Variants in CDIN1 observed in about 807,000 individuals in gnomAD.
CDIN1 encodes the protein CDAN1-interacting nuclease 1.
A neutral mutation model predicts 45.3 loss-of-function variants in CDIN1; 33 were observed. The observed-to-expected ratio is 0.73, with a 90% CI of 0.55 to 0.97. The LOEUF is 0.97. Among genes scored for constraint, CDIN1 ranks in the 50% least tolerant of loss-of-function variants. CDIN1 has a pLI of 0.00. For missense variants in CDIN1, 303 were observed against 339.4 expected, an observed-to-expected ratio of 0.89 and a Z score of 0.84; for synonymous variants, 118 against 124.4, an observed-to-expected ratio of 0.95 and a Z score of 0.34.
At chr15:36,798,606 A>G (rs557049606) in intron 10 of CDIN1, 40 of 152,292 alleles carry the variant, frequency 2.6e-4, no homozygotes, top group African/African-American at 9.4e-4. Flanking sequence ...TGAAATTCCA[A>G]TAATTTTTTA....
intron 1 of CDIN1, chr15:36,627,486 G>T (rs911018809): frequency 6.4e-6 from 1 of 156,820 alleles, no homozygotes; most frequent in South Asian, 1.8e-4. Context: ...AGTTTCTTGT[G>T]GCCAGACTTG....
rs2042660342 is a variant in CDIN1, at chr15:36,701,925, A to G, written c.544+4535A>G. 9 of 606,146 alleles carry G rather than the reference A, an allele frequency of 1.5e-5. No individual in the cohort carries two copies. The South Asian group carries it at 1.6e-4, about 11-fold the overall frequency. The allele number at this position is 606,146 out of a possible 1,614,324, so 37.5% of individuals were successfully genotyped here. On this transcript the variant is annotated intron_variant, in intron 8 of 10. Transcript: ENST00000566621. ...TTAGGATCTTTGTTTCTAAGAGTTC[A>G]TCTGCCCCTGCTGCTTTATTCCTCA...
At position 36,711,481 on chromosome 15, in the gene CDIN1, T is replaced by G. The variant is rs910508720; in HGVS notation, c.716+1520T>G. ...TTTAGAGGCTGATTAAATAATCTAG[T>G]CACCTAGATGATAGATTTAGGGATT... On this transcript the variant is annotated intron_variant, in intron 10 of 10. Coordinates refer to ENST00000566621, the MANE Select transcript of CDIN1 (RefSeq NM_001321759.2). Among the ~76,000 whole-genome samples, 4 of 152,320 alleles carry G rather than the reference T, an allele frequency of 2.6e-5. No homozygotes were observed. The South Asian group carries it at 8.3e-4, about 32-fold the overall frequency.
chr15:36,648,108 G>A (rs1338695092), intron 3 of CDIN1, among the ~76,000 whole-genome samples: 2 of 152,040 alleles, frequency 1.3e-5, no homozygotes, highest in African/African-American at 2.4e-5. Flanking sequence ...CAAAGTGCTG[G>A]GATTACAGGC....
intron 1 of CDIN1, among the ~76,000 whole-genome samples, chr15:36,634,373 T>C (rs1483883840): frequency 6.6e-6 from 1 of 152,060 alleles, no homozygotes; most frequent in African/African-American, 2.4e-5. Context: ...GCAGTGAGCC[T>C]TGATCGCGCC....
chr15:36,653,972 C>T, intron 3 of CDIN1, 126 bp from the exon 4 acceptor site: 2 of 650,492 alleles, frequency 3.1e-6, no homozygotes, highest in Non-Finnish European at 5.3e-6. Context: ...ATGAAAGTAG[C>T]TTACTTTAAC....
At chr15:36,580,045 T>A in intron 1 of CDIN1, 84 bp downstream of exon 1, 2 of 1,192,932 alleles carry the variant, frequency 1.7e-6, no homozygotes, top group Non-Finnish European at 2.4e-6. Flanking sequence ...AGGAACCACG[T>A]GTCACACATG....
rs1048874673 is a variant in CDIN1, at chr15:36,776,963, C to T, written c.717-31361C>T. 2.6e-5 allele frequency among the ~76,000 whole-genome samples: 4 copies of T among 152,146 alleles called. No homozygotes were observed. In the South Asian group the frequency reaches 8.3e-4, roughly 31 times the overall value. ...CATAAACTTTGAATTTCAAAAACTG[C>T]TGCATGAAGCGCTGTTTTCATCTTT... On this transcript the variant is annotated intron_variant, in intron 10 of 10. Transcript: ENST00000566621.
intron 1 of CDIN1, chr15:36,618,349 A>G: frequency 1.5e-6 from 1 of 681,360 alleles, no homozygotes; most frequent in Non-Finnish European, 2.7e-6. Flanking sequence ...GGGGATTAGG[A>G]GCAAACTTAA....
chr15:36,790,269 C>G (rs2054611531), intron 10 of CDIN1: 1 of 152,238 alleles, frequency 6.6e-6, no homozygotes, highest in Admixed American at 6.5e-5. Flanking sequence ...TGCCAGCAAT[C>G]TTTCCCAGCT....
chr15:36,644,244 G>C, intron 1 of CDIN1, 34 bp from the exon 2 acceptor site: 6 of 1,609,208 alleles, frequency 3.7e-6, no homozygotes, highest in Non-Finnish European at 5.1e-6. Flanking sequence ...GTGCACTCCA[G>C]TAATTAACTT....
At chr15:36,796,424 C>T (rs2141106100) in intron 10 of CDIN1, among the ~76,000 whole-genome samples, 1 of 152,282 alleles carries the variant, frequency 6.6e-6, no homozygotes, top group Admixed American at 6.5e-5. Context: ...TCTCGTTGTG[C>T]TTAGGAGGGA....
intron 1 of CDIN1, among the ~76,000 whole-genome samples, chr15:36,619,885 T>G: frequency 6.6e-6 from 1 of 152,124 alleles, no homozygotes. Context: ...AGTAAATGAT[T>G]TGAAAACTGA....
At chr15:36,784,290 G>C (rs1275670502) in intron 10 of CDIN1, among the ~76,000 whole-genome samples, 1 of 152,178 alleles carries the variant, frequency 6.6e-6, no homozygotes, top group Admixed American at 6.5e-5. Flanking sequence ...TAAAGAGTAG[G>C]GAGGAAGTGG....
At position 36,621,019 on chromosome 15, in the gene CDIN1, A is replaced by C. The variant is rs16963707; in HGVS notation, c.102-23259A>C. On this transcript the variant is annotated intron_variant, in intron 1 of 10. Coordinates refer to ENST00000566621, the MANE Select transcript of CDIN1 (RefSeq NM_001321759.2). ...TCTCATATACTAAATACACAAGTTT[A>C]CATGCTGTTATTTAGAAAATGGCTA... Among the ~76,000 whole-genome samples the C allele has an allele frequency of 1.9e-3, 296 of 152,346 alleles. 6 individuals carry two copies. Among genetic ancestry groups the C allele is most frequent in the East Asian group, 9.8e-3 (51 of 5,186 alleles).
chr15:36,599,071 C>A (rs1206873964), intron 1 of CDIN1, among the ~76,000 whole-genome samples: 1 of 147,590 alleles, frequency 6.8e-6, no homozygotes, highest in Non-Finnish European at 1.5e-5. Flanking sequence ...TTTTTATGAT[C>A]TCTTTTGAGG....
At chr15:36,628,364 T>G (rs1021220767) in intron 1 of CDIN1, among the ~76,000 whole-genome samples, 2 of 152,222 alleles carry the variant, frequency 1.3e-5, no homozygotes, top group African/African-American at 4.8e-5. Context: ...ATTTGTGATT[T>G]CTCCATGCTG....
At position 36,782,922 on chromosome 15, in the gene CDIN1, G is replaced by C. The variant is rs150370683; in HGVS notation, c.717-25402G>C. 8.4e-3 allele frequency among the ~76,000 whole-genome samples: 1,281 copies of C among 152,244 alleles called. 15 individuals carry two copies. Among genetic ancestry groups the C allele is most frequent in the African/African-American group, 0.029 (1,185 of 41,550 alleles). On this transcript the variant is annotated intron_variant, in intron 10 of 10. Coordinates refer to ENST00000566621, the MANE Select transcript of CDIN1 (RefSeq NM_001321759.2). ...TCTGCCAGCCAGACATGGTGGACTG[G>C]AAAAACATGCCATTGTGTCAGATCA... is the stretch of plus-strand genomic sequence containing the variant.
At chr15:36,688,254 T>TAA (rs957427206) in intron 5 of CDIN1, among the ~76,000 whole-genome samples, 1 of 141,378 alleles carries the variant, frequency 7.1e-6, no homozygotes, top group African/African-American at 2.6e-5. Context: ...ACTGAGAAAT[T>TAA]AAAAAAAAAA....
Sources: allele counts gnomAD v4.1 joint callset (sites outside exome capture counted in the v4.1 genomes callset), GRCh38; gene constraint gnomAD v4.1.1; transcripts MANE v1.5; gene names NCBI Gene and HGNC (gene_info 2026-07-23, HGNC 2026-07-21).